VSNL1: variants seen among roughly 807,000 people sequenced by gnomAD.
VSNL1 encodes visinin like 1.
A neutral mutation model predicts 20.4 loss-of-function variants in VSNL1; 6 were observed. The observed-to-expected ratio is 0.29, with a 90% confidence interval of 0.16 to 0.58. The LOEUF is 0.58. Among genes scored for constraint, VSNL1 ranks in the 20% least tolerant of loss-of-function variants. The pLI, the probability that VSNL1 is intolerant of heterozygous loss-of-function variation, is 0.90. For synonymous variants in VSNL1, 93 were observed against 86.4 expected, an observed-to-expected ratio of 1.08 and a Z score of -0.42; for missense variants, 100 against 234.5, an observed-to-expected ratio of 0.43 and a Z score of 3.75.
intron 2 of VSNL1, among the ~76,000 whole-genome samples, chr2:17,607,546 C>A (rs2103390218): frequency 6.6e-6 from 1 of 152,286 alleles, no homozygotes; most frequent in East Asian, 1.9e-4. Flanking sequence ...CATGTCACTT[C>A]TTAAGTTCCC....
intron 1 of VSNL1, among the ~76,000 whole-genome samples, chr2:17,579,487 T>A (rs1202125914): frequency 6.6e-6 from 1 of 152,174 alleles, no homozygotes; most frequent in Non-Finnish European, 1.5e-5. Context: ...GTGCACTAGA[T>A]TAAGAGTGAG....
chr2:17,641,272 A>G (rs1659367592), intron 2 of VSNL1, among the ~76,000 whole-genome samples: 1 of 152,240 alleles, frequency 6.6e-6, no homozygotes, highest in Non-Finnish European at 1.5e-5. Flanking sequence ...GAGCGAGTGA[A>G]GACAGTACGA....
At chr2:17,543,554 C>T (rs112333943) in intron 1 of VSNL1, among the ~76,000 whole-genome samples, 7 of 152,318 alleles carry the variant, frequency 4.6e-5, no homozygotes, top group African/African-American at 1.7e-4. Flanking sequence ...TGTCTCCAGC[C>T]TTCCTGGAAA....
chr2:17,608,907 A>T (rs1665015693), intron 2 of VSNL1, among the ~76,000 whole-genome samples: 1 of 152,212 alleles, frequency 6.6e-6, no homozygotes. Context: ...AAATTCTATT[A>T]AATTCATAAC....
chr2:17,626,944 A>AC (rs1665523862), intron 2 of VSNL1, among the ~76,000 whole-genome samples: 1 of 152,186 alleles, frequency 6.6e-6, no homozygotes, highest in Non-Finnish European at 1.5e-5. Context: ...TGCTGCACAG[A>AC]CTCTGGGTGG....
At chr2:17,611,504 T>C (rs1189084367) in intron 2 of VSNL1, among the ~76,000 whole-genome samples, 1 of 152,216 alleles carries the variant, frequency 6.6e-6, no homozygotes, top group African/African-American at 2.4e-5. Context: ...CATCACTAAA[T>C]GTGGGGTAGT....
intron 1 of VSNL1, among the ~76,000 whole-genome samples, chr2:17,560,214 A>G (rs144576861): frequency 0.029 from 4,407 of 150,348 alleles, 66 homozygotes; most frequent in Middle Eastern, 0.053. Flanking sequence ...ATATACATAT[A>G]TATATAATAA....
intron 1 of VSNL1, among the ~76,000 whole-genome samples, chr2:17,580,234 A>G (rs1043317525): frequency 6.6e-6 from 1 of 152,222 alleles, no homozygotes; most frequent in Non-Finnish European, 1.5e-5. Flanking sequence ...GGTTGGGTCT[A>G]GAGTTGTCCA....
At chr2:17,563,115 A>C (rs1663857310) in intron 1 of VSNL1, among the ~76,000 whole-genome samples, 1 of 152,266 alleles carries the variant, frequency 6.6e-6, no homozygotes, top group African/African-American at 2.4e-5. Flanking sequence ...CAATATGCTC[A>C]ATATATTTGA....
In VSNL1 at chr2:17,649,165, A is replaced by G. The variant is rs1666067473; in HGVS notation, c.163-245A>G. On this transcript the variant is annotated intron_variant, in intron 2 of 3. Transcript: ENST00000295156. This position sits in a 1 kb window ranked among gnomAD's most constrained non-coding sequence, Gnocchi z 6.4. ...TGTTGACCGATTCCAAGCCCCATCAACTGAAAGCCACATGTCACCAGCCTC... is the reference window on the plus strand; with the variant it reads ...TGTTGACCGATTCCAAGCCCCATCAGCTGAAAGCCACATGTCACCAGCCTC... Among the ~76,000 whole-genome samples the G allele has an allele frequency of 6.6e-6, 1 of 152,138 alleles. No individual in the cohort carries two copies. Among genetic ancestry groups the G allele is most frequent in the South Asian group, 2.1e-4 (1 of 4,826 alleles).
upstream of VSNL1, chr2:17,540,260 A>C (rs1180268390): frequency 6.6e-6 from 1 of 152,328 alleles, no homozygotes; most frequent in Non-Finnish European, 1.5e-5. Context: ...ACAGCCTAAC[A>C]AAGGGTGGGC....
At chr2:17,559,425 A>G (rs1261445354) in intron 1 of VSNL1, among the ~76,000 whole-genome samples, 2 of 151,784 alleles carry the variant, frequency 1.3e-5, no homozygotes, top group Non-Finnish European at 2.9e-5. Context: ...AAAAACAACA[A>G]CAGCTTTTTA....
chr2:17,649,270 A>C lies in VSNL1; in HGVS notation c.163-140A>C. 1.3e-6 allele frequency: 1 copy of C among 768,096 alleles called. No homozygotes were observed. The highest frequency in any genetic ancestry group is 2.2e-6 in the Non-Finnish European group (1 of 458,120). 47.6% of individuals were successfully genotyped at this position (768,096 alleles called of 1,614,324 possible). ...CCCCTAATGCCTGCCCTTGCCCTTG[A>C]CAGTCAGGCCAAACTGCTCTCCAAT... On this transcript the variant is annotated intron_variant, in intron 2 of 3. Transcript: ENST00000295156. This position sits in a 1 kb window ranked among gnomAD's most constrained non-coding sequence, Gnocchi z 6.4.
At chr2:17,630,972 G>T (rs1163840021) in intron 2 of VSNL1, among the ~76,000 whole-genome samples, 1 of 152,094 alleles carries the variant, frequency 6.6e-6, no homozygotes, top group Non-Finnish European at 1.5e-5. Flanking sequence ...AGTAGAAACG[G>T]AGTTTCACCA....
chr2:17,557,493 G>A lies in VSNL1; in HGVS notation c.-6+16575G>A, dbSNP rs1285217635. Among the ~76,000 whole-genome samples the A allele has an allele frequency of 4.6e-5, 7 of 152,232 alleles. No individual in the cohort carries two copies. The East Asian group carries it at 1.2e-3, about 25-fold the overall frequency. On this transcript the variant is annotated intron_variant, in intron 1 of 3. Coordinates refer to ENST00000295156, the MANE Select transcript of VSNL1 (RefSeq NM_003385.5). ...TTACAATTAATTAAGTGCTATAGAC[G>A]AAAATAGTAATGCTGTAAGAAAGTG... is the stretch of plus-strand genomic sequence containing the variant.
intron 2 of VSNL1, among the ~76,000 whole-genome samples, chr2:17,602,823 A>C (rs1368779936): frequency 2.0e-5 from 3 of 152,178 alleles, no homozygotes; most frequent in African/African-American, 7.2e-5. Context: ...CCTTTGTAGT[A>C]ATAGAGAAGC....
rs538000576 is a variant in VSNL1 at position 17,656,589 on chromosome 2, T to C, written c.*1195T>C. ...GTAGGCAAAAAATAACAGAAGTAGC[T>C]ATTTTTAATAACAGAACAGAACTCT... On this transcript the variant is annotated 3_prime_UTR_variant, in exon 4 of 4. Transcript: ENST00000295156. The C allele has an allele frequency of 2.7e-5, 4 of 150,928 alleles. No homozygotes were observed. The South Asian group carries it at 8.3e-4, about 31-fold the overall frequency. 9.3% of individuals were successfully genotyped at this position (150,928 alleles called of 1,614,324 possible). A position where few individuals can be genotyped will look rare whatever the true frequency, so the allele number is the denominator to read the frequency against.
intron 2 of VSNL1, among the ~76,000 whole-genome samples, chr2:17,627,396 C>T (rs1360879391): frequency 4.6e-5 from 7 of 152,110 alleles, no homozygotes; most frequent in East Asian, 1.9e-4. Flanking sequence ...TAGACAGAGG[C>T]GATTTATCAA....
chr2:17,622,589 AAAGAAAG>A (rs1354249487), intron 2 of VSNL1, among the ~76,000 whole-genome samples: 4 of 131,790 alleles, frequency 3.0e-5, no homozygotes, highest in African/African-American at 5.5e-5. Flanking sequence ...AGAAAGAAAG[AAAGAAAG>A]AAAGAAAAGA....
Sources: allele counts gnomAD v4.1 joint callset (sites outside exome capture counted in the v4.1 genomes callset), GRCh38; gene constraint gnomAD v4.1.1; non-coding constraint Gnocchi (gnomAD v3.1); transcripts MANE v1.5; gene names NCBI Gene and HGNC (gene_info 2026-07-23, HGNC 2026-07-21).